Variants in ACBD6 observed in about 807,000 individuals in gnomAD.
ACBD6 encodes acyl-CoA-binding domain-containing protein 6.
Under a neutral mutation model 37.2 loss-of-function variants are expected in ACBD6, and 28 were observed. That is an observed-to-expected ratio of 0.75 (90% CI 0.56 to 1.03). The LOEUF is 1.03. Among genes scored for constraint, ACBD6 ranks in the 50% least tolerant of loss-of-function variants. The probability of loss-of-function intolerance (pLI) is 0.00; values close to 1 mark genes in which losing one functional copy is unlikely to be tolerated. For synonymous variants in ACBD6, 113 were observed against 126.8 expected (o/e 0.89, Z 0.73); for missense variants, 340 against 337.4 (o/e 1.01, Z -0.06).
chr1:180,375,297 A>G (rs1449843499), intron 6 of ACBD6, among the ~76,000 whole-genome samples: 1 of 152,194 alleles, frequency 6.6e-6, no homozygotes, highest in Non-Finnish European at 1.5e-5. Flanking sequence ...GAAATACAAT[A>G]TAAGACAAAG....
At chr1:180,300,783 A>G (rs59171224) in intron 7 of ACBD6, among the ~76,000 whole-genome samples, 27,275 of 152,178 alleles carry the variant, frequency 0.18, 2,857 homozygotes, top group East Asian at 0.38. Flanking sequence ...AAAAGCACAC[A>G]GACAGAAATA....
Position 180,351,281 on chromosome 1 carries a change from T to G in ACBD6, c.664-36559A>C, listed in dbSNP as rs60550632. Among the ~76,000 whole-genome samples, 4 of 2,216 alleles carry G rather than the reference T, an allele frequency of 1.8e-3. No homozygotes were observed. In the Admixed American group the frequency reaches 0.039, roughly 22 times the overall value. The allele number at this position is 2,216 out of a possible 152,430, so 1.5% of individuals were successfully genotyped here. On this transcript the variant is annotated intron_variant, in intron 6 of 7. Transcript: ENST00000367595. ...TGTCAGTTACCTGCCAGATATTACG[T>G]TTTTTTTTTTTTTTGAGACAGTCTT...
intron 5 of ACBD6, among the ~76,000 whole-genome samples, chr1:180,410,575 A>G (rs1016718200): frequency 6.6e-6 from 1 of 152,208 alleles, no homozygotes; most frequent in Non-Finnish European, 1.5e-5. Context: ...TGAAATGGGA[A>G]AACAAAGCCT....
intron 7 of ACBD6, among the ~76,000 whole-genome samples, chr1:180,294,889 G>T (rs1167358678): frequency 1.3e-5 from 2 of 151,886 alleles, no homozygotes; most frequent in Non-Finnish European, 2.9e-5. Flanking sequence ...GTAGAGATGG[G>T]GTCTTGCTAT....
chr1:180,390,567 G>T (rs1217151964), intron 6 of ACBD6, among the ~76,000 whole-genome samples: 1 of 152,048 alleles, frequency 6.6e-6, no homozygotes, highest in Non-Finnish European at 1.5e-5. Context: ...GATGGGGATG[G>T]CATTGAATCT....
chr1:180,432,922 C>A (rs970746116), intron 3 of ACBD6, among the ~76,000 whole-genome samples: 41 of 150,824 alleles, frequency 2.7e-4, no homozygotes, highest in African/African-American at 9.8e-4. Flanking sequence ...AAAAAAAAAA[C>A]TTCCCTACAA....
At chr1:180,380,152 T>C (rs1270433255) in intron 6 of ACBD6, among the ~76,000 whole-genome samples, 1 of 152,114 alleles carries the variant, frequency 6.6e-6, no homozygotes, top group Admixed American at 6.5e-5. Flanking sequence ...TCCCAGCTAC[T>C]TGGGAGGCTG....
chr1:180,347,051 A>T (rs1227548346), intron 6 of ACBD6, among the ~76,000 whole-genome samples: 2 of 151,194 alleles, frequency 1.3e-5, no homozygotes, highest in Non-Finnish European at 3.0e-5. Flanking sequence ...AACAAAACAA[A>T]AATAATGAAA....
At chr1:180,311,306 A>T (rs1412610395) in intron 7 of ACBD6, among the ~76,000 whole-genome samples, 12 of 152,222 alleles carry the variant, frequency 7.9e-5, no homozygotes, top group Non-Finnish European at 8.8e-5. Flanking sequence ...TGTGCCATGG[A>T]TAAGAAAGTC....
intron 6 of ACBD6, among the ~76,000 whole-genome samples, chr1:180,362,134 A>G (rs1652876431): frequency 6.6e-6 from 1 of 152,212 alleles, no homozygotes; most frequent in Non-Finnish European, 1.5e-5. Context: ...TCCCCACACC[A>G]AATGAAGAGA....
At chr1:180,471,690 C>G (rs1650575272) in intron 3 of ACBD6, among the ~76,000 whole-genome samples, 1 of 152,068 alleles carries the variant, frequency 6.6e-6, no homozygotes, top group African/African-American at 2.4e-5. Flanking sequence ...AGACCAGCCC[C>G]CATGATTCAA....
At chr1:180,416,321 C>G (rs376972853) in intron 4 of ACBD6, among the ~76,000 whole-genome samples, 10 of 152,260 alleles carry the variant, frequency 6.6e-5, no homozygotes, top group African/African-American at 2.4e-4. Context: ...TCTAAGAGCT[C>G]AATACAGCCT....
intron 3 of ACBD6, among the ~76,000 whole-genome samples, chr1:180,451,401 T>C (rs944058744): frequency 2.0e-5 from 3 of 152,168 alleles, no homozygotes; most frequent in South Asian, 2.1e-4. Flanking sequence ...AATAAAGATA[T>C]ATGTACACAC....
At chr1:180,291,681 T>C (rs982947379) in intron 7 of ACBD6, among the ~76,000 whole-genome samples, 12 of 152,218 alleles carry the variant, frequency 7.9e-5, no homozygotes, top group African/African-American at 2.9e-4. Flanking sequence ...TCTTGAAGAG[T>C]GGAATTTTTA....
intron 3 of ACBD6, among the ~76,000 whole-genome samples, chr1:180,452,004 T>C (rs1195712257): frequency 2.0e-5 from 3 of 152,154 alleles, no homozygotes; most frequent in Non-Finnish European, 2.9e-5. Flanking sequence ...GAATGACTAA[T>C]GGGTAAATAA....
intron 5 of ACBD6, among the ~76,000 whole-genome samples, chr1:180,408,420 C>A (rs1020584855): frequency 5.3e-5 from 8 of 151,266 alleles, no homozygotes; most frequent in Non-Finnish European, 8.8e-5. Context: ...ATCGCAAAGA[C>A]AAAAAATCAA....
chr1:180,337,027 C>T (rs550569417), intron 6 of ACBD6, among the ~76,000 whole-genome samples: 12 of 152,058 alleles, frequency 7.9e-5, no homozygotes, highest in East Asian at 5.8e-4. Flanking sequence ...GCTCACCAAC[C>T]AAAAAAAGTC....
rs144684652 is a variant in ACBD6, at chr1:180,422,601, G to A, written c.467+7579C>T. Among the ~76,000 whole-genome samples, 755 of 152,210 alleles carry A rather than the reference G, an allele frequency of 5.0e-3. 3 individuals carry two copies. Among genetic ancestry groups the A allele is most frequent in the Middle Eastern group, 0.014 (4 of 294 alleles). On this transcript the variant is annotated intron_variant, in intron 4 of 7. Transcript: ENST00000367595. ...AGCTGCAGACCTCAATCTACAATAC[G>A]TATTAAGCAATTCAACTTTTTCTTA...
At chr1:180,283,882 G>A (rs1163521092), downstream of ACBD6, among the ~76,000 whole-genome samples, 1 of 152,088 alleles carries the variant, frequency 6.6e-6, no homozygotes, top group Non-Finnish European at 1.5e-5. Flanking sequence ...GATTAGGGAT[G>A]TTCAGCTGGT....
Sources: allele counts gnomAD v4.1 joint callset (sites outside exome capture counted in the v4.1 genomes callset), GRCh38; gene constraint gnomAD v4.1.1; transcripts MANE v1.5; gene names NCBI Gene and HGNC (gene_info 2026-07-23, HGNC 2026-07-21).